The following PTPRD variants were observed in gnomAD, a reference collection of about 807,000 sequenced individuals.
The protein encoded by PTPRD is receptor-type tyrosine-protein phosphatase delta.
In PTPRD, 34 loss-of-function variants were observed where a neutral mutation model predicts 214.5. That is an observed-to-expected ratio of 0.16 (90% confidence interval 0.12 to 0.21). The LOEUF is 0.21. PTPRD is among the 10% of genes least tolerant of loss of function. PTPRD has a pLI of 1.00. For synonymous variants in PTPRD, 1,128 were observed against 845.7 expected, an observed-to-expected ratio of 1.33 and a Z score of -5.79; for missense variants, 2,545 against 2,398.7, an observed-to-expected ratio of 1.06 and a Z score of -1.27.
At chr9:8,979,858 T>C (rs1024144470) in intron 11 of PTPRD, among the ~76,000 whole-genome samples, 5 of 152,076 alleles carry the variant, frequency 3.3e-5, no homozygotes, top group African/African-American at 1.2e-4. Context: ...ATTCCTCTTT[T>C]GGACATATAC....
intron 11 of PTPRD, among the ~76,000 whole-genome samples, chr9:8,818,976 A>G (rs1240038625): frequency 6.6e-6 from 1 of 152,218 alleles, no homozygotes; most frequent in East Asian, 1.9e-4. Flanking sequence ...ACTCTAGTCC[A>G]CTACTAGTTG....
intron 14 of PTPRD, among the ~76,000 whole-genome samples, chr9:8,603,543 C>T (rs772637126): frequency 2.0e-5 from 3 of 152,134 alleles, no homozygotes; most frequent in Non-Finnish European, 4.4e-5. Flanking sequence ...AGAACCTTAG[C>T]ACCCCAAGCA....
At chr9:8,619,762 C>G (rs546075012) in intron 14 of PTPRD, among the ~76,000 whole-genome samples, 261 of 151,988 alleles carry the variant, frequency 1.7e-3, no homozygotes, top group Non-Finnish European at 2.7e-3. Flanking sequence ...GTTAAGGTAT[C>G]TTTTACACAT....
intron 3 of PTPRD, among the ~76,000 whole-genome samples, chr9:10,215,318 A>T (rs1023360469): frequency 1.3e-5 from 2 of 152,056 alleles, no homozygotes; most frequent in African/African-American, 4.8e-5. Context: ...AAAGAATATA[A>T]TTAAATGATA....
Position 8,528,684 on chromosome 9 carries a change from T to C in PTPRD, c.448A>G (p.Ser150Gly). The change falls in exon 15 of 46, where the codon AGT becomes GGT. Residue 150 changes from serine to glycine, a missense_variant. Transcript: ENST00000381196. ...TRTATMLCAASGNPDPEITWF... is the reference protein window; with the variant it reads ...TRTATMLCAAGGNPDPEITWF... ...GTGATTTCTGGATCCGGATTACCAC[T>C]GGCTGCACAAAGCATGGTGGCCGTG... is the stretch of plus-strand genomic sequence containing the variant. 4 of 1,613,786 alleles carry C rather than the reference T, an allele frequency of 2.5e-6. No homozygotes were observed. The highest frequency in any genetic ancestry group is 1.1e-5 in the South Asian group (1 of 91,084).
At chr9:10,226,180 G>C (rs2099588285) in intron 3 of PTPRD, among the ~76,000 whole-genome samples, 1 of 151,998 alleles carries the variant, frequency 6.6e-6, no homozygotes, top group African/African-American at 2.4e-5. Context: ...CTCCTGTTGG[G>C]ATGCACTTAG....
At chr9:10,520,823 C>T (rs2051968161) in intron 2 of PTPRD, among the ~76,000 whole-genome samples, 1 of 151,960 alleles carries the variant, frequency 6.6e-6, no homozygotes, top group South Asian at 2.1e-4. Flanking sequence ...GACAGCACAT[C>T]TGTTTACAGC....
intron 5 of PTPRD, among the ~76,000 whole-genome samples, chr9:9,781,496 C>A (rs1347313693): frequency 6.6e-6 from 1 of 152,154 alleles, no homozygotes; most frequent in Non-Finnish European, 1.5e-5. Flanking sequence ...TCAGTAAGAT[C>A]TAATTGACCA....
At chr9:10,542,361 T>A (rs2059300206) in intron 2 of PTPRD, among the ~76,000 whole-genome samples, 2 of 152,150 alleles carry the variant, frequency 1.3e-5, no homozygotes, top group Admixed American at 6.5e-5. Flanking sequence ...TATGTAAGGA[T>A]TTAAAGAAAA....
chr9:8,755,228 A>C (rs989075873), intron 11 of PTPRD, among the ~76,000 whole-genome samples: 2 of 149,998 alleles, frequency 1.3e-5, no homozygotes, highest in South Asian at 4.2e-4. Context: ...TAAAAAAAAA[A>C]AAAACAAAAA....
chr9:10,226,628 A>G (rs1279544820), intron 3 of PTPRD, among the ~76,000 whole-genome samples: 2 of 152,032 alleles, frequency 1.3e-5, no homozygotes, highest in African/African-American at 4.8e-5. Flanking sequence ...ACCGCATTAA[A>G]TCTCAAGTAC....
chr9:9,160,438 A>G (rs779977614), intron 10 of PTPRD, among the ~76,000 whole-genome samples: 11 of 152,200 alleles, frequency 7.2e-5, no homozygotes, highest in Non-Finnish European at 1.6e-4. Flanking sequence ...AAAAATGCTC[A>G]GTATCACTAA....
At chr9:9,832,747 G>C (rs973384422) in intron 5 of PTPRD, among the ~76,000 whole-genome samples, 1 of 151,924 alleles carries the variant, frequency 6.6e-6, no homozygotes, top group Admixed American at 6.6e-5. Context: ...ATGATGCCTA[G>C]AACTGCAGCA....
chr9:8,454,486 T>C (rs1324456025), intron 33 of PTPRD: 1 of 1,346,486 alleles, frequency 7.4e-7, no homozygotes, highest in Non-Finnish European at 1.0e-6. Context: ...ATCTTTTGTG[T>C]GCAGCCCCGC....
chr9:8,995,040 G>A (rs2099391251), intron 11 of PTPRD, among the ~76,000 whole-genome samples: 1 of 152,020 alleles, frequency 6.6e-6, no homozygotes, highest in Admixed American at 6.6e-5. Context: ...AAACATAGGA[G>A]ACATGGGGGT....
At chr9:9,973,670 A>G (rs1324670025) in intron 4 of PTPRD, among the ~76,000 whole-genome samples, 1 of 152,132 alleles carries the variant, frequency 6.6e-6, no homozygotes. Flanking sequence ...GACGAGTCTA[A>G]AGTAAGGTGT....
At chr9:10,144,858 T>C (rs1005656290) in intron 3 of PTPRD, among the ~76,000 whole-genome samples, 3 of 152,240 alleles carry the variant, frequency 2.0e-5, no homozygotes, top group African/African-American at 7.2e-5. Flanking sequence ...ATTTCTGGGA[T>C]AATACTGATT....
At chr9:9,018,044 T>A (rs973098757) in intron 11 of PTPRD, among the ~76,000 whole-genome samples, 2 of 152,174 alleles carry the variant, frequency 1.3e-5, no homozygotes, top group East Asian at 1.9e-4. Context: ...TTTATTTTTA[T>A]TTTTTGAAGA....
At position 8,376,637 on chromosome 9, in the gene PTPRD, T is replaced by A. The variant is rs1339152283; in HGVS notation, c.4476A>T (p.Thr1492=). The A allele has an allele frequency of 8.7e-6, 14 of 1,612,924 alleles. No individual in the cohort carries two copies. The highest frequency in any genetic ancestry group is 2.7e-5 in the African/African-American group (2 of 74,836). ...VTLLDTVELA[T]YCVRTFALYK... is the part of the protein sequence containing the mutation. Reference sequence around the variant, plus strand: ...AAAGTGCAAATGTTCGAACACAATATGTGGCCAGCTCCACAGTATCAAGCA... The same window carrying A: ...AAAGTGCAAATGTTCGAACACAATAAGTGGCCAGCTCCACAGTATCAAGCA... The change falls in exon 38 of 46, where the codon ACA becomes ACT. Residue 1492 remains threonine, a synonymous_variant. Transcript: ENST00000381196.
Sources: allele counts gnomAD v4.1 joint callset (sites outside exome capture counted in the v4.1 genomes callset), GRCh38; gene constraint gnomAD v4.1.1; transcripts MANE v1.5; gene names NCBI Gene and HGNC (gene_info 2026-07-23, HGNC 2026-07-21).